Variants in KCNH1 observed in about 807,000 individuals in gnomAD.
KCNH1 encodes potassium voltage-gated channel subfamily H member 1, also known as voltage-gated delayed rectifier potassium channel KCNH1.
A neutral mutation model predicts 69.2 loss-of-function variants in KCNH1; 27 were observed. The ratio of observed to expected loss-of-function variants is 0.39; its 90% confidence interval spans 0.29 to 0.54. The LOEUF (loss-of-function observed/expected upper bound fraction) is 0.54, where lower values mean the gene tolerates loss of function less well. Ranked by LOEUF, KCNH1 falls within the 20% of genes least tolerant of loss-of-function variation. The pLI, the probability that KCNH1 is intolerant of heterozygous loss-of-function variation, is 0.68. For missense variants in KCNH1, 798 were observed against 1,261.6 expected, an observed-to-expected ratio of 0.63 and a Z score of 5.57; for synonymous variants, 456 against 487.7, an observed-to-expected ratio of 0.93 and a Z score of 0.86.
rs1691929113 is a variant in KCNH1, at chr1:211,134,014, G to C, written c.-69C>G. On this transcript the variant is annotated 5_prime_UTR_variant, in exon 1 of 11. Transcript: ENST00000271751. This position sits in a 1 kb window ranked among gnomAD's most constrained non-coding sequence, Gnocchi z 5.7. ...CTTACGACAGCAGGAAACTGGCCTC[G>C]GGGCCCGCACGCAGTCCCGGCTCGA... The C allele has an allele frequency of 1.4e-6, 2 of 1,405,244 alleles. No individual in the cohort carries two copies. Among genetic ancestry groups the C allele is most frequent in the Non-Finnish European group, 2.0e-6 (2 of 999,398 alleles). 87.0% of individuals were successfully genotyped at this position (1,405,244 alleles called of 1,614,324 possible).
intron 7 of KCNH1, among the ~76,000 whole-genome samples, chr1:210,837,916 C>T (rs1685321550): frequency 6.6e-6 from 1 of 152,160 alleles, no homozygotes; most frequent in South Asian, 2.1e-4. Flanking sequence ...TATGAAAATG[C>T]TTTGTACAAT....
At chr1:210,768,725 T>G (rs1683691131) in intron 10 of KCNH1, among the ~76,000 whole-genome samples, 1 of 152,206 alleles carries the variant, frequency 6.6e-6, no homozygotes, top group South Asian at 2.1e-4. Flanking sequence ...AGAACTTTAT[T>G]ACTTCCTTAA....
chr1:210,989,372 A>G (rs1688900399), intron 6 of KCNH1, among the ~76,000 whole-genome samples: 1 of 152,246 alleles, frequency 6.6e-6, no homozygotes, highest in African/African-American at 2.4e-5. Context: ...TTTTCTTGTT[A>G]TAGCCACGAG....
At chr1:211,087,606 TACACAC>T (rs59377189) in intron 4 of KCNH1, among the ~76,000 whole-genome samples, 1,509 of 142,414 alleles carry the variant, frequency 0.011, 15 homozygotes, top group East Asian at 0.039. Flanking sequence ...CCTTTAAGCA[TACACAC>T]ACACACACAC....
At chr1:211,089,682 A>T (rs988370635) in intron 4 of KCNH1, among the ~76,000 whole-genome samples, 7 of 152,232 alleles carry the variant, frequency 4.6e-5, no homozygotes, top group Non-Finnish European at 7.3e-5. Context: ...TCTCTTTGCT[A>T]CATCTCAGAA....
chr1:210,902,548 C>T (rs568716150), intron 7 of KCNH1, among the ~76,000 whole-genome samples: 7 of 152,126 alleles, frequency 4.6e-5, no homozygotes, highest in African/African-American at 7.2e-5. Flanking sequence ...CCGGGCAGCC[C>T]GTCTGTTTCC....
intron 6 of KCNH1, among the ~76,000 whole-genome samples, chr1:210,947,677 G>T (rs1047939935): frequency 6.6e-6 from 1 of 151,778 alleles, no homozygotes; most frequent in Non-Finnish European, 1.5e-5. Context: ...TGGTAAGCAA[G>T]AAGAACTGGG....
intron 7 of KCNH1, among the ~76,000 whole-genome samples, chr1:210,856,587 T>C (rs1011480174): frequency 6.0e-5 from 9 of 151,184 alleles, no homozygotes; most frequent in African/African-American, 2.2e-4. Flanking sequence ...AATTACCCAT[T>C]TGGGCACATT....
At chr1:211,045,543 T>G (rs1690082590) in intron 5 of KCNH1, among the ~76,000 whole-genome samples, 1 of 152,160 alleles carries the variant, frequency 6.6e-6, no homozygotes. Context: ...ATGATTGTAA[T>G]GGAAAAAGCT....
At chr1:210,839,905 C>A (rs76318342) in intron 7 of KCNH1, among the ~76,000 whole-genome samples, 5 of 152,108 alleles carry the variant, frequency 3.3e-5, no homozygotes, top group African/African-American at 1.2e-4. Context: ...AATCACCTGA[C>A]GGTCTGTCTA....
At chr1:210,740,433 G>T (rs553807113) in intron 10 of KCNH1, among the ~76,000 whole-genome samples, 3 of 151,870 alleles carry the variant, frequency 2.0e-5, no homozygotes, top group Non-Finnish European at 4.4e-5. Flanking sequence ...TTCTATATTC[G>T]GTTCTGCTTC....
intron 7 of KCNH1, among the ~76,000 whole-genome samples, chr1:210,891,678 C>A (rs1160029048): frequency 6.6e-6 from 1 of 151,754 alleles, no homozygotes; most frequent in African/African-American, 2.4e-5. Context: ...GATCTAGAAC[C>A]AAAAATACCA....
intron 5 of KCNH1, among the ~76,000 whole-genome samples, chr1:211,073,320 G>GATAT (rs1690679453): frequency 6.6e-6 from 1 of 152,130 alleles, no homozygotes. Flanking sequence ...AGATTTAGCA[G>GATAT]GCAGAAAATC....
intron 5 of KCNH1, among the ~76,000 whole-genome samples, chr1:211,057,902 C>G (rs1011401294): frequency 6.6e-6 from 1 of 152,088 alleles, no homozygotes; most frequent in African/African-American, 2.4e-5. Context: ...AAAACTACCT[C>G]AAGACATTTA....
At chr1:210,775,240 C>G in intron 10 of KCNH1, 108 bp downstream of exon 10, 1 of 910,712 alleles carries the variant, frequency 1.1e-6, no homozygotes, top group Non-Finnish European at 1.7e-6. Context: ...TCTTTAGAAC[C>G]AATTACTCTA....
At chr1:210,897,428 G>A (rs1313194067) in intron 7 of KCNH1, among the ~76,000 whole-genome samples, 1 of 152,152 alleles carries the variant, frequency 6.6e-6, no homozygotes, top group East Asian at 1.9e-4. Flanking sequence ...AGCTTACATA[G>A]GATCTACTTT....
At chr1:210,760,927 A>G (rs781417484) in intron 10 of KCNH1, among the ~76,000 whole-genome samples, 1 of 152,168 alleles carries the variant, frequency 6.6e-6, no homozygotes, top group Non-Finnish European at 1.5e-5. Context: ...AACACAGTCA[A>G]ATCATATCAG....
chr1:210,942,511 G>T (rs1687893400), intron 6 of KCNH1, among the ~76,000 whole-genome samples: 1 of 152,134 alleles, frequency 6.6e-6, no homozygotes, highest in Non-Finnish European at 1.5e-5. Flanking sequence ...AAAAAGAAAA[G>T]AAAGTCACAA....
At chr1:210,787,234 C>T (rs924125934) in intron 9 of KCNH1, among the ~76,000 whole-genome samples, 17 of 151,852 alleles carry the variant, frequency 1.1e-4, no homozygotes, top group Non-Finnish European at 2.4e-4. Flanking sequence ...CACTTACTCT[C>T]TAATCTCCCT....
Sources: gnomAD v4.1 joint callset for allele counts (sites outside exome capture counted in the v4.1 genomes callset) on GRCh38, gnomAD v4.1.1 for gene constraint, Gnocchi (gnomAD v3.1) non-coding constraint, MANE v1.5 for transcripts, NCBI Gene and HGNC (gene_info 2026-07-23, HGNC 2026-07-21) for gene names.